Variants in GRID1 observed in about 807,000 individuals in gnomAD.
The protein encoded by GRID1 is glutamate ionotropic receptor delta type subunit 1, also known as glutamate receptor ionotropic, delta-1.
A neutral mutation model predicts 98.0 loss-of-function variants in GRID1; 28 were observed. The observed-to-expected ratio is 0.29, with a 90% CI of 0.21 to 0.39. The LOEUF (loss-of-function observed/expected upper bound fraction) is 0.39, where lower values mean the gene tolerates loss of function less well. Among genes scored for constraint, GRID1 ranks in the 10% least tolerant of loss-of-function variants. The pLI is 1.00. For missense variants in GRID1, 1,111 were observed against 1,340.5 expected (o/e 0.83, Z 2.67); for synonymous variants, 553 against 538.5 (o/e 1.03, Z -0.37).
At chr10:85,735,078 CACT>C (rs574756818) in intron 8 of GRID1, among the ~76,000 whole-genome samples, 217 of 152,288 alleles carry the variant, frequency 1.4e-3, no homozygotes, top group African/African-American at 4.9e-3. Context: ...GAAGTCCCAA[CACT>C]TAGTCATACA....
At chr10:86,000,974 C>A (rs1450049224) in intron 4 of GRID1, among the ~76,000 whole-genome samples, 1 of 152,066 alleles carries the variant, frequency 6.6e-6, no homozygotes, top group Non-Finnish European at 1.5e-5. Context: ...AATGGAGAAA[C>A]CAACTATGAT....
intron 4 of GRID1, among the ~76,000 whole-genome samples, chr10:86,070,884 T>C (rs1398255738): frequency 1.3e-5 from 2 of 152,144 alleles, no homozygotes; most frequent in South Asian, 2.1e-4. Flanking sequence ...GGGAAGCATC[T>C]GGGAAGAGAA....
chr10:86,071,671 G>A (rs1008269891), intron 4 of GRID1, among the ~76,000 whole-genome samples: 1 of 152,134 alleles, frequency 6.6e-6, no homozygotes, highest in African/African-American at 2.4e-5. Flanking sequence ...CTCATTACCT[G>A]CCAGGTTCTG....
At chr10:86,265,963 AT>A (rs2132058438) in intron 2 of GRID1, among the ~76,000 whole-genome samples, 1 of 151,908 alleles carries the variant, frequency 6.6e-6, no homozygotes, top group East Asian at 1.9e-4. Flanking sequence ...CATGCCCACC[AT>A]TCACCTCCCC....
chr10:85,680,665 G>T lies in GRID1; in HGVS notation c.1998-33268C>A, dbSNP rs111303815. 3.9e-3 allele frequency among the ~76,000 whole-genome samples: 598 copies of T among 152,240 alleles called. 5 individuals are homozygous for T. The highest frequency in any genetic ancestry group is 0.013 in the African/African-American group (547 of 41,542). On this transcript the variant is annotated intron_variant, in intron 12 of 15. Transcript: ENST00000327946. ...AGAAGTCATTATATCAAAAAGATAT[G>T]TGCACTCATGCTCATGTTTATCACA... is the stretch of plus-strand genomic sequence containing the variant.
At chr10:86,219,528 T>C (rs1034246438) in intron 2 of GRID1, among the ~76,000 whole-genome samples, 2 of 152,098 alleles carry the variant, frequency 1.3e-5, no homozygotes, top group Admixed American at 1.3e-4. Context: ...AGATGACCTA[T>C]GAGGGGCAGC....
At chr10:86,289,368 C>T (rs866933641) in intron 2 of GRID1, among the ~76,000 whole-genome samples, 9 of 152,066 alleles carry the variant, frequency 5.9e-5, no homozygotes, top group African/African-American at 2.2e-4. Flanking sequence ...AACAGAACAT[C>T]GGCCAGCTGA....
chr10:86,326,311 T>A (rs1373078177), intron 2 of GRID1, among the ~76,000 whole-genome samples: 1 of 152,220 alleles, frequency 6.6e-6, no homozygotes, highest in Non-Finnish European at 1.5e-5. Context: ...TCCTGCCTTA[T>A]CTATGTATTC....
At chr10:85,626,596 C>G (rs1281241263) in intron 13 of GRID1, among the ~76,000 whole-genome samples, 1 of 152,226 alleles carries the variant, frequency 6.6e-6, no homozygotes, top group East Asian at 1.9e-4. Flanking sequence ...CATTCACCAT[C>G]CATGCAGAGT....
chr10:85,883,482 TTCTC>T (rs139003903), intron 5 of GRID1, among the ~76,000 whole-genome samples: 2,274 of 150,404 alleles, frequency 0.015, 64 homozygotes, highest in African/African-American at 0.052. Flanking sequence ...TCCTTTGTCC[TTCTC>T]TCTCTGTCTC....
At chr10:85,640,270 A>G (rs142695231) in intron 13 of GRID1, among the ~76,000 whole-genome samples, 79 of 152,360 alleles carry the variant, frequency 5.2e-4, no homozygotes, top group African/African-American at 1.8e-3. Context: ...TGATTATCCA[A>G]TGTGAGTGGC....
intron 4 of GRID1, among the ~76,000 whole-genome samples, chr10:86,102,041 A>G (rs1844304271): frequency 6.6e-6 from 1 of 152,218 alleles, no homozygotes; most frequent in African/African-American, 2.4e-5. Flanking sequence ...GAGAACGAAT[A>G]TTTCTTCTGG....
intron 4 of GRID1, among the ~76,000 whole-genome samples, chr10:86,046,068 G>C (rs1422037444): frequency 1.3e-5 from 2 of 152,112 alleles, no homozygotes; most frequent in Non-Finnish European, 2.9e-5. Flanking sequence ...TGGGGCAGAA[G>C]CATGCTTTTC....
At chr10:85,833,948 G>A (rs1842891624) in intron 8 of GRID1, among the ~76,000 whole-genome samples, 1 of 152,142 alleles carries the variant, frequency 6.6e-6, no homozygotes, top group Non-Finnish European at 1.5e-5. Context: ...AGAGAAAACA[G>A]ATTGATAAAG....
intron 5 of GRID1, among the ~76,000 whole-genome samples, chr10:85,882,448 A>G (rs1433107674): frequency 1.3e-5 from 2 of 152,222 alleles, no homozygotes; most frequent in African/African-American, 4.8e-5. Context: ...CAGCCATAAA[A>G]ATGATGAGTT....
chr10:85,730,210 C>T (rs1257778783), intron 8 of GRID1, among the ~76,000 whole-genome samples: 2 of 152,200 alleles, frequency 1.3e-5, no homozygotes, highest in Non-Finnish European at 2.9e-5. Flanking sequence ...TCTGAATCTG[C>T]TACATTCTCT....
intron 13 of GRID1, among the ~76,000 whole-genome samples, chr10:85,634,413 C>T (rs771237522): frequency 5.3e-5 from 8 of 151,902 alleles, no homozygotes; most frequent in Non-Finnish European, 1.0e-4. Context: ...CACCCCATCC[C>T]GGTGGAAACC....
Position 86,271,113 on chromosome 10 carries a change from G to A in GRID1, c.236-64465C>T, listed in dbSNP as rs75777003. Among the ~76,000 whole-genome samples, 200 of 152,264 alleles carry A rather than the reference G, an allele frequency of 1.3e-3. 2 individuals are homozygous for A. Among genetic ancestry groups the A allele is most frequent in the East Asian group, 7.1e-3 (37 of 5,192 alleles). ...AGTGTTCAGCAGAGTGTGAGCAAAC[G>A]CCCCAAAGCCAGGAGAAGAATCATC... On this transcript the variant is annotated intron_variant, in intron 2 of 15. Coordinates refer to ENST00000327946, the MANE Select transcript of GRID1 (RefSeq NM_017551.3).
At chr10:85,735,758 G>A (rs896637495) in intron 8 of GRID1, among the ~76,000 whole-genome samples, 1 of 151,748 alleles carries the variant, frequency 6.6e-6, no homozygotes. Flanking sequence ...TTCATATAGA[G>A]AGCATTGTAA....
Sources: allele counts gnomAD v4.1 joint callset (sites outside exome capture counted in the v4.1 genomes callset), GRCh38; gene constraint gnomAD v4.1.1; transcripts MANE v1.5; gene names NCBI Gene and HGNC (gene_info 2026-07-23, HGNC 2026-07-21).